The following GFRA1 variants were observed in gnomAD, a reference collection of about 807,000 sequenced individuals.
The protein encoded by GFRA1 is GDNF family receptor alpha 1, also known as GDNF family receptor alpha-1.
In GFRA1, 16 loss-of-function variants were observed where a neutral mutation model predicts 51.6. The observed-to-expected ratio is 0.31, with a 90% CI of 0.21 to 0.47. GFRA1 has a LOEUF of 0.47. Among genes scored for constraint, GFRA1 ranks in the 20% least tolerant of loss-of-function variants. The pLI is 1.00. For missense variants in GFRA1, 530 were observed against 594.3 expected (o/e 0.89, Z 1.13); for synonymous variants, 270 against 241.3 (o/e 1.12, Z -1.10).
chr10:116,110,410 TG>T (rs1334153839), intron 6 of GFRA1, among the ~76,000 whole-genome samples: 2 of 152,150 alleles, frequency 1.3e-5, no homozygotes, highest in Non-Finnish European at 2.9e-5. Context: ...GGGTTTAGTC[TG>T]ACATCAGGGT....
intron 5 of GFRA1, 109 bp downstream of exon 5, chr10:116,211,522 A>C: frequency 1.8e-5 from 18 of 1,009,758 alleles, no homozygotes; most frequent in South Asian, 2.8e-5. Flanking sequence ...GGCCTAAATG[A>C]CATGTCCATA....
chr10:116,216,456 A>ATGG (rs1965571565), intron 4 of GFRA1, among the ~76,000 whole-genome samples: 2 of 152,174 alleles, frequency 1.3e-5, no homozygotes, highest in Admixed American at 6.5e-5. Context: ...CATAGTCCAT[A>ATGG]ACTATGGTTA....
intron 9 of GFRA1, among the ~76,000 whole-genome samples, chr10:116,071,995 TC>T (rs1955418081): frequency 6.6e-6 from 1 of 152,146 alleles, no homozygotes; most frequent in East Asian, 1.9e-4. Context: ...CAGAAGAATC[TC>T]AGTACACAAT....
intron 9 of GFRA1, among the ~76,000 whole-genome samples, chr10:116,067,429 G>A (rs1441456024): frequency 6.6e-6 from 1 of 152,162 alleles, no homozygotes; most frequent in East Asian, 1.9e-4. Context: ...TCTAGACTGG[G>A]ATGCATTATG....
Position 116,062,032 on chromosome 10 carries a change from G to A in GFRA1, c.*2366C>T, listed in dbSNP as rs576661408. ...ATCACTGAAGAAAAATGAGATATTT[G>A]TTGGTGACAGATGAGGCTTTTCAAA... On this transcript the variant is annotated 3_prime_UTR_variant, in exon 11 of 11. Transcript: ENST00000355422. The A allele has an allele frequency of 1.8e-5, 7 of 398,592 alleles. No individual in the cohort carries two copies. The highest frequency in any genetic ancestry group is 8.2e-5 in the African/African-American group (4 of 48,748). 24.7% of individuals were successfully genotyped at this position (398,592 alleles called of 1,614,324 possible).
At chr10:116,100,970 G>A (rs1956797174) in intron 6 of GFRA1, among the ~76,000 whole-genome samples, 1 of 152,180 alleles carries the variant, frequency 6.6e-6, no homozygotes, top group South Asian at 2.1e-4. Context: ...GATGGGGGAG[G>A]ACAGGTTTAC....
At chr10:116,270,134 G>A (rs941857296) in intron 3 of GFRA1, among the ~76,000 whole-genome samples, 1 of 152,256 alleles carries the variant, frequency 6.6e-6, no homozygotes, top group African/African-American at 2.4e-5. Flanking sequence ...AGATGTTTGC[G>A]TTAGGCTTAC....
At chr10:116,082,583 C>T (rs147030173) in intron 9 of GFRA1, among the ~76,000 whole-genome samples, 12 of 152,162 alleles carry the variant, frequency 7.9e-5, no homozygotes, top group Admixed American at 2.0e-4. Context: ...CGGATTCAAG[C>T]GATTCTCCTG....
intron 6 of GFRA1, among the ~76,000 whole-genome samples, chr10:116,120,468 C>T (rs777292444): frequency 2.0e-5 from 3 of 151,818 alleles, no homozygotes; most frequent in African/African-American, 4.8e-5. Context: ...ACCTGTAGTC[C>T]CAGCTACATG....
At chr10:116,068,261 ACAGAG>A (rs1955209415) in intron 9 of GFRA1, among the ~76,000 whole-genome samples, 2 of 152,224 alleles carry the variant, frequency 1.3e-5, no homozygotes, top group Non-Finnish European at 2.9e-5. Context: ...CAAGCTTCCT[ACAGAG>A]CGGTCTGGGT....
chr10:116,184,208 C>T (rs933491804), intron 5 of GFRA1, among the ~76,000 whole-genome samples: 1 of 152,276 alleles, frequency 6.6e-6, no homozygotes, highest in Non-Finnish European at 1.5e-5. Context: ...TTTCCTGACC[C>T]TCTAGCAACT....
rs966211063 is a variant in GFRA1 at position 116,093,627 on chromosome 10, G to A, written c.1015+75C>T. On this transcript the variant is annotated intron_variant, in intron 8 of 10. Coordinates refer to ENST00000355422, the MANE Select transcript of GFRA1 (RefSeq NM_005264.8). ...CAAGGTACAAGAGGTACAGGCACAA[G>A]GTACAAGAGGTACAGCTGGAGCTCG... is the stretch of plus-strand genomic sequence containing the variant. The A allele has an allele frequency of 3.1e-6, 4 of 1,311,098 alleles. No individual in the cohort carries two copies. In the African/African-American group the frequency reaches 5.8e-5, roughly 19 times the overall value. The allele number at this position is 1,311,098 out of a possible 1,614,324, so 81.2% of individuals were successfully genotyped here.
chr10:116,274,520 G>A (rs1449941241), upstream of GFRA1, among the ~76,000 whole-genome samples: 1 of 152,176 alleles, frequency 6.6e-6, no homozygotes, highest in Non-Finnish European at 1.5e-5. Context: ...GGGTTGGGCC[G>A]CTCTCCATTC....
intron 5 of GFRA1, among the ~76,000 whole-genome samples, chr10:116,173,461 TC>T (rs774999203): frequency 3.9e-5 from 6 of 152,150 alleles, no homozygotes; most frequent in Non-Finnish European, 8.8e-5. Context: ...CTTCTAATTT[TC>T]CTAGTTCCGC....
intron 4 of GFRA1, among the ~76,000 whole-genome samples, chr10:116,256,746 A>G (rs570481113): frequency 8.4e-4 from 128 of 152,360 alleles, no homozygotes; most frequent in African/African-American, 2.8e-3. Flanking sequence ...TTGGCACAGA[A>G]AACAGCTAGG....
At chr10:116,258,410 T>TTA (rs1555173827) in intron 4 of GFRA1, among the ~76,000 whole-genome samples, 4 of 146,538 alleles carry the variant, frequency 2.7e-5, no homozygotes, top group Admixed American at 6.8e-5. Flanking sequence ...AAATATATTA[T>TTA]ATTAATAAAA....
chr10:116,224,645 T>C (rs746209116), intron 4 of GFRA1, among the ~76,000 whole-genome samples: 33 of 152,254 alleles, frequency 2.2e-4, no homozygotes, highest in Non-Finnish European at 3.4e-4. Context: ...AATTGGTAAA[T>C]CAAGAGACAG....
At chr10:116,220,742 G>A (rs932538945) in intron 4 of GFRA1, among the ~76,000 whole-genome samples, 36 of 152,146 alleles carry the variant, frequency 2.4e-4, no homozygotes, top group African/African-American at 8.7e-4. Context: ...TTCTGGCCTG[G>A]CTCTGCTATA....
intron 5 of GFRA1, among the ~76,000 whole-genome samples, chr10:116,165,263 C>T (rs1010188516): frequency 3.3e-5 from 5 of 152,138 alleles, no homozygotes; most frequent in African/African-American, 7.2e-5. Context: ...GATGGTGTGG[C>T]GACATTTTGT....
Sources: allele counts gnomAD v4.1 joint callset (sites outside exome capture counted in the v4.1 genomes callset), GRCh38; gene constraint gnomAD v4.1.1; transcripts MANE v1.5; gene names NCBI Gene and HGNC (gene_info 2026-07-23, HGNC 2026-07-21).